DYTN: variants seen among roughly 807,000 people sequenced by gnomAD.
The protein encoded by DYTN is dystrotelin.
Under a neutral mutation model 69.6 loss-of-function variants are expected in DYTN, and 75 were observed. The ratio of observed to expected loss-of-function variants is 1.08; its 90% CI spans 0.89 to 1.31. The LOEUF is 1.31. Among genes scored for constraint, DYTN ranks in the 50% most tolerant of loss-of-function variants. The pLI, the probability that DYTN is intolerant of heterozygous loss-of-function variation, is 0.00. For synonymous variants in DYTN, 252 were observed against 249.1 expected (o/e 1.01, Z -0.11); for missense variants, 726 against 688.4 (o/e 1.05, Z -0.61).
chr2:206,703,191 T>C (rs1297328376), intron 5 of DYTN, among the ~76,000 whole-genome samples: 2 of 152,182 alleles, frequency 1.3e-5, no homozygotes, highest in East Asian at 3.8e-4. Context: ...TAGAGCCTGT[T>C]GGACCAAGTA....
chr2:206,660,623 A>C (rs1436980803), intron 11 of DYTN, among the ~76,000 whole-genome samples: 1 of 152,158 alleles, frequency 6.6e-6, no homozygotes. Flanking sequence ...ACTCATCATG[A>C]CCCCAAAAAT....
intron 11 of DYTN, among the ~76,000 whole-genome samples, chr2:206,656,002 T>C (rs1371264182): frequency 6.6e-6 from 1 of 152,200 alleles, no homozygotes; most frequent in African/African-American, 2.4e-5. Context: ...CAGGCCTATT[T>C]GGTTTACTGT....
At chr2:206,683,243 C>T (rs932990859) in intron 9 of DYTN, among the ~76,000 whole-genome samples, 2 of 152,058 alleles carry the variant, frequency 1.3e-5, no homozygotes, top group South Asian at 4.1e-4. Context: ...AAATTCTCTA[C>T]TAACAATCCT....
At chr2:206,653,013 A>G (rs1699405703) in intron 11 of DYTN, among the ~76,000 whole-genome samples, 1 of 152,236 alleles carries the variant, frequency 6.6e-6, no homozygotes, top group Non-Finnish European at 1.5e-5. Context: ...TTATAGCTAC[A>G]TAATTTATAT....
Position 206,718,371 on chromosome 2 carries a change from A to T in DYTN, c.-92T>A. Reference sequence around the variant, plus strand: ...AAGCAGAAGGTTTTGCAGCAGAGGAATGAGGACAGGGGAACAAAAAGGCAA... The same window carrying T: ...AAGCAGAAGGTTTTGCAGCAGAGGATTGAGGACAGGGGAACAAAAAGGCAA... On this transcript the variant is annotated 5_prime_UTR_variant, in exon 1 of 12. Coordinates refer to ENST00000452335, the MANE Select transcript of DYTN (RefSeq NM_001093730.1). 7.0e-7 allele frequency: 1 copy of T among 1,425,704 alleles called. No homozygotes were observed. The highest frequency in any genetic ancestry group is 9.6e-7 in the Non-Finnish European group (1 of 1,039,656). The allele number at this position is 1,425,704 out of a possible 1,614,324, so 88.3% of individuals were successfully genotyped here.
At chr2:206,660,798 A>G (rs535632259) in intron 11 of DYTN, among the ~76,000 whole-genome samples, 1 of 152,322 alleles carries the variant, frequency 6.6e-6, no homozygotes, top group East Asian at 1.9e-4. Context: ...GTATTTTAGA[A>G]TCGCCGAATA....
Position 206,694,850 on chromosome 2 carries a change from A to T in DYTN, c.747T>A (p.Phe249Leu), listed in dbSNP as rs369466188. ...LRYRCLKCLN[F>L]DICQMCFLSG... Reference sequence around the variant, plus strand: ...ATAAGAAACACATCTGGCAGATGTCAAAGTTGAGACACTTCAGACAGCGGT... The same window carrying T: ...ATAAGAAACACATCTGGCAGATGTCTAAGTTGAGACACTTCAGACAGCGGT... The change falls in exon 8 of 12, where the codon TTT becomes TTA. Residue 249 changes from phenylalanine (F) to leucine (L), a missense_variant. Transcript: ENST00000452335. 7.2e-5 allele frequency: 116 copies of T among 1,610,576 alleles called. No individual in the cohort carries two copies. Among genetic ancestry groups the T allele is most frequent in the African/African-American group, 1.3e-5 (1 of 74,726 alleles).
At chr2:206,669,520 T>C (rs1473812410) in intron 9 of DYTN, among the ~76,000 whole-genome samples, 1 of 152,218 alleles carries the variant, frequency 6.6e-6, no homozygotes, top group Admixed American at 6.5e-5. Context: ...TGGTACACTT[T>C]GTAGTGATAA....
chr2:206,697,978 C>T (rs940555464), intron 7 of DYTN, among the ~76,000 whole-genome samples: 3 of 152,102 alleles, frequency 2.0e-5, no homozygotes, highest in Admixed American at 1.3e-4. Flanking sequence ...AAACATATTT[C>T]AATGTAAAAG....
intron 11 of DYTN, among the ~76,000 whole-genome samples, chr2:206,660,370 A>G (rs753738032): frequency 3.3e-5 from 5 of 152,202 alleles, no homozygotes; most frequent in Non-Finnish European, 5.9e-5. Context: ...TGCCTTCCAA[A>G]TATGTGTAGT....
intron 1 of DYTN, 81 bp downstream of exon 1, chr2:206,718,180 A>G: frequency 7.0e-7 from 1 of 1,435,196 alleles, no homozygotes; most frequent in Non-Finnish European, 9.4e-7. Context: ...TCTTCTTCAA[A>G]TCAGAGGTCT....
At chr2:206,668,948 T>G (rs1474657567) in intron 9 of DYTN, among the ~76,000 whole-genome samples, 1 of 152,198 alleles carries the variant, frequency 6.6e-6, no homozygotes, top group African/African-American at 2.4e-5. Context: ...CTCCTTTGCC[T>G]TCCACCATGA....
At chr2:206,657,881 G>C (rs75087941) in intron 11 of DYTN, among the ~76,000 whole-genome samples, 20,382 of 152,108 alleles carry the variant, frequency 0.13, 1,426 homozygotes, top group East Asian at 0.17. Context: ...TAGGATTCTT[G>C]GATCTGGACG....
At chr2:206,685,956 T>TAAAAAAAA in intron 9 of DYTN, among the ~76,000 whole-genome samples, 1 of 148,994 alleles carries the variant, frequency 6.7e-6, no homozygotes, top group African/African-American at 2.5e-5. Context: ...TTGAAAAATG[T>TAAAAAAAA]TATAAAAAGA....
intron 10 of DYTN, among the ~76,000 whole-genome samples, chr2:206,665,396 T>A (rs560757031): frequency 6.6e-6 from 1 of 151,900 alleles, no homozygotes; most frequent in African/African-American, 2.4e-5. Flanking sequence ...TTAATTTATT[T>A]AACAACTCAG....
At chr2:206,704,964 A>G (rs1030282712) in intron 4 of DYTN, 21 bp from the exon 5 acceptor site, 10 of 1,589,650 alleles carry the variant, frequency 6.3e-6, no homozygotes, top group Non-Finnish European at 8.6e-6. Flanking sequence ...AGGAGGAACA[A>G]TCTTTAAATT....
intron 10 of DYTN, among the ~76,000 whole-genome samples, chr2:206,665,329 A>G (rs1699558176): frequency 6.6e-6 from 1 of 152,118 alleles, no homozygotes; most frequent in Non-Finnish European, 1.5e-5. Context: ...TTTATGTTTT[A>G]GTTAGTGAAT....
chr2:206,715,797 G>A (rs1220177589), intron 1 of DYTN, among the ~76,000 whole-genome samples: 1 of 152,054 alleles, frequency 6.6e-6, no homozygotes, highest in Non-Finnish European at 1.5e-5. Context: ...AGTTTAGAAA[G>A]TGGCTGTGGT....
chr2:206,663,457 A>G, intron 10 of DYTN, 62 bp from the exon 11 acceptor site: 1 of 1,467,576 alleles, frequency 6.8e-7, no homozygotes, highest in Non-Finnish European at 9.0e-7. Context: ...TCATAAATGC[A>G]TTACATTTCA....
Sources: gnomAD v4.1 joint callset for allele counts (sites outside exome capture counted in the v4.1 genomes callset) on GRCh38, gnomAD v4.1.1 for gene constraint, MANE v1.5 for transcripts, NCBI Gene and HGNC (gene_info 2026-07-23, HGNC 2026-07-21) for gene names.